The following NR3C2 variants were observed in gnomAD, a reference collection of about 807,000 sequenced individuals.
NR3C2 encodes mineralocorticoid receptor.
Under a neutral mutation model 86.4 loss-of-function variants are expected in NR3C2, and 15 were observed. The ratio of observed to expected loss-of-function variants is 0.17; its 90% CI spans 0.12 to 0.27. The LOEUF is 0.27. Ranked by LOEUF, NR3C2 falls within the 10% of genes least tolerant of loss-of-function variation. The pLI is 1.00. For synonymous variants in NR3C2, 458 were observed against 450.5 expected (o/e 1.02, Z -0.21); for missense variants, 960 against 1,195.6 (o/e 0.80, Z 2.91).
In NR3C2 at chr4:148,197,478, T is replaced by C. The variant is rs72653860; in HGVS notation, c.1898-2616A>G. ...AGGGTTGGTCTGCTGTAGTCTAAGA[T>C]TCACTTCTGTGAATTTTCAGTAAAT... On this transcript the variant is annotated intron_variant, in intron 3 of 8. Coordinates refer to ENST00000358102, the MANE Select transcript of NR3C2 (RefSeq NM_000901.5). 9.0e-4 allele frequency among the ~76,000 whole-genome samples: 137 copies of C among 152,324 alleles called. 1 individual carries two copies. The highest frequency in any genetic ancestry group is 1.6e-3 in the Non-Finnish European group (111 of 68,024).
intron 2 of NR3C2, among the ~76,000 whole-genome samples, chr4:148,410,712 T>C (rs1199887013): frequency 6.6e-6 from 1 of 152,176 alleles, no homozygotes; most frequent in Non-Finnish European, 1.5e-5. Flanking sequence ...CATGAACATC[T>C]TAGACTGAGA....
chr4:148,354,001 G>A (rs1204202884), intron 2 of NR3C2, among the ~76,000 whole-genome samples: 2 of 151,932 alleles, frequency 1.3e-5, no homozygotes, highest in Non-Finnish European at 2.9e-5. Context: ...CAAATCACAG[G>A]TCCTAAGATA....
At chr4:148,209,554 T>C (rs138554914) in intron 3 of NR3C2, among the ~76,000 whole-genome samples, 2 of 152,276 alleles carry the variant, frequency 1.3e-5, no homozygotes, top group Non-Finnish European at 2.9e-5. Context: ...TGCTATGGCC[T>C]TCTGAAGTGT....
chr4:148,441,919 G>A (rs572936616), intron 1 of NR3C2, among the ~76,000 whole-genome samples: 1 of 152,336 alleles, frequency 6.6e-6, no homozygotes, highest in East Asian at 1.9e-4. Flanking sequence ...CACTGCCAAA[G>A]GCAGTTAAAA....
rs532259740 is a variant in NR3C2 at position 148,079,805 on chromosome 4, C to G, written c.*1539G>C. Reference sequence around the variant, plus strand: ...TTTTAAAAATCTAAAACCCCTCTATCTCCCGGTCTCCATGCCATTCAGACT... The same window carrying G: ...TTTTAAAAATCTAAAACCCCTCTATGTCCCGGTCTCCATGCCATTCAGACT... On this transcript the variant is annotated 3_prime_UTR_variant, in exon 9 of 9. Transcript: ENST00000358102. 6.6e-6 allele frequency: 1 copy of G among 152,606 alleles called. No homozygotes were observed. Among genetic ancestry groups the G allele is most frequent in the Non-Finnish European group, 1.5e-5 (1 of 68,036 alleles). 9.5% of individuals were successfully genotyped at this position (152,606 alleles called of 1,614,324 possible).
chr4:148,136,415 C>T (rs964647397), intron 6 of NR3C2, among the ~76,000 whole-genome samples: 3 of 151,896 alleles, frequency 2.0e-5, no homozygotes, highest in Non-Finnish European at 4.4e-5. Context: ...ACACAGCCCC[C>T]TCCCTCTGAA....
intron 2 of NR3C2, among the ~76,000 whole-genome samples, chr4:148,425,973 A>G (rs970073075): frequency 6.6e-6 from 1 of 152,012 alleles, no homozygotes; most frequent in Admixed American, 6.5e-5. Flanking sequence ...TCTCATTTCT[A>G]TTCTCACCTT....
chr4:148,319,013 T>C (rs1743394324), intron 2 of NR3C2, among the ~76,000 whole-genome samples: 2 of 151,900 alleles, frequency 1.3e-5, no homozygotes, highest in Non-Finnish European at 2.9e-5. Context: ...GTTTTAGGTC[T>C]AACGTTTAAG....
At chr4:148,255,801 T>C (rs1259525742) in intron 3 of NR3C2, among the ~76,000 whole-genome samples, 1 of 152,052 alleles carries the variant, frequency 6.6e-6, no homozygotes, top group Non-Finnish European at 1.5e-5. Flanking sequence ...CAATTTACAG[T>C]TGGAAAGAAA....
intron 2 of NR3C2, among the ~76,000 whole-genome samples, chr4:148,401,519 A>C (rs1391681470): frequency 7.2e-6 from 1 of 138,170 alleles, no homozygotes; most frequent in Non-Finnish European, 1.5e-5. Flanking sequence ...GCTGGAGTGC[A>C]GTGGCGCAAT....
intron 2 of NR3C2, among the ~76,000 whole-genome samples, chr4:148,378,645 G>A (rs1005587295): frequency 1.2e-4 from 18 of 152,168 alleles, no homozygotes; most frequent in African/African-American, 3.1e-4. Context: ...CATGTAAGAC[G>A]TGCCTGCTTC....
intron 3 of NR3C2, among the ~76,000 whole-genome samples, chr4:148,238,632 A>C (rs541365488): frequency 6.6e-6 from 1 of 152,240 alleles, no homozygotes; most frequent in South Asian, 2.1e-4. Flanking sequence ...GACATTTAAC[A>C]ACTGTCCAGC....
intron 2 of NR3C2, among the ~76,000 whole-genome samples, chr4:148,303,863 A>G (rs543881618): frequency 2.0e-5 from 3 of 152,342 alleles, no homozygotes; most frequent in African/African-American, 7.2e-5. Flanking sequence ...CAGGGCATAC[A>G]TGGGTATGAG....
chr4:148,172,890 T>C (rs184755077), intron 4 of NR3C2, among the ~76,000 whole-genome samples: 78 of 152,310 alleles, frequency 5.1e-4, no homozygotes, highest in Non-Finnish European at 9.0e-4. Flanking sequence ...AAAAGCTTTA[T>C]AGGAAAAGTC....
intron 3 of NR3C2, among the ~76,000 whole-genome samples, chr4:148,231,471 T>G (rs909738923): frequency 6.6e-6 from 1 of 152,198 alleles, no homozygotes; most frequent in African/African-American, 2.4e-5. Flanking sequence ...CTGAAGTCTA[T>G]AAACTCTGCA....
At chr4:148,221,153 C>T (rs938210024) in intron 3 of NR3C2, among the ~76,000 whole-genome samples, 1 of 152,268 alleles carries the variant, frequency 6.6e-6, no homozygotes, top group Admixed American at 6.5e-5. Flanking sequence ...CCCTCAGTGT[C>T]AGCTTGCTCA....
chr4:148,122,969 C>T (rs764255449), intron 6 of NR3C2, among the ~76,000 whole-genome samples: 5 of 152,028 alleles, frequency 3.3e-5, no homozygotes, highest in African/African-American at 9.7e-5. Context: ...CTGCCTGCGG[C>T]GTCGGGCAAA....
At chr4:148,346,140 T>C (rs550039608) in intron 2 of NR3C2, among the ~76,000 whole-genome samples, 2 of 152,144 alleles carry the variant, frequency 1.3e-5, no homozygotes, top group South Asian at 4.1e-4. Flanking sequence ...AAATGACCCT[T>C]GATGGATACA....
At chr4:148,269,969 A>G (rs987061037) in intron 2 of NR3C2, among the ~76,000 whole-genome samples, 1 of 152,192 alleles carries the variant, frequency 6.6e-6, no homozygotes, top group East Asian at 1.9e-4. Flanking sequence ...TTACATTAAG[A>G]TACAGACTTA....
Sources: gnomAD v4.1 joint callset for allele counts (sites outside exome capture counted in the v4.1 genomes callset) on GRCh38, gnomAD v4.1.1 for gene constraint, MANE v1.5 for transcripts, NCBI Gene and HGNC (gene_info 2026-07-23, HGNC 2026-07-21) for gene names.